Variants in MORN5 observed in about 807,000 individuals in gnomAD.
MORN5 encodes MORN repeat containing 5, also known as MORN repeat-containing protein 5.
A neutral mutation model predicts 22.1 loss-of-function variants in MORN5; 21 were observed. The ratio of observed to expected loss-of-function variants is 0.95; its 90% CI spans 0.67 to 1.37. The LOEUF is 1.37. Ranked by LOEUF, MORN5 falls within the 40% of genes most tolerant of loss-of-function variation. The pLI is 0.00. For missense variants in MORN5, 211 were observed against 215.1 expected, an observed-to-expected ratio of 0.98 and a Z score of 0.12; for synonymous variants, 73 against 74.0, an observed-to-expected ratio of 0.99 and a Z score of 0.07.
At chr9:122,162,043 T>C (rs938636624) in intron 1 of MORN5, among the ~76,000 whole-genome samples, 11 of 152,234 alleles carry the variant, frequency 7.2e-5, no homozygotes, top group Non-Finnish European at 1.3e-4. Context: ...AACAGTTAAC[T>C]AGAATTCTAT....
chr9:122,176,642 T>G (rs1218642245), intron 4 of MORN5, among the ~76,000 whole-genome samples: 1 of 152,096 alleles, frequency 6.6e-6, no homozygotes, highest in Admixed American at 6.6e-5. Flanking sequence ...CACTTTGGGA[T>G]GCCAAGACAG....
intron 1 of MORN5, chr9:122,164,698 A>G: frequency 1.1e-6 from 1 of 885,072 alleles, no homozygotes; most frequent in Non-Finnish European, 1.4e-6. Flanking sequence ...GAACTTGAAT[A>G]TGGAGATGGT....
intron 4 of MORN5, among the ~76,000 whole-genome samples, chr9:122,189,001 CTTGGCCAACA>C (rs1829701134): frequency 6.6e-6 from 1 of 152,076 alleles, no homozygotes; most frequent in Non-Finnish European, 1.5e-5. Flanking sequence ...TCAAGACAAG[CTTGGCCAACA>C]TGGTGAAACC....
At chr9:122,166,694 C>T in intron 1 of MORN5, 74 bp from the exon 2 acceptor site, 2 of 1,390,164 alleles carry the variant, frequency 1.4e-6, no homozygotes, top group Non-Finnish European at 2.0e-6. Flanking sequence ...GGGGTTCCTG[C>T]TCACTCTGTT....
rs781423001 is a variant in MORN5 at position 122,166,886 on chromosome 9, G to A, written c.166G>A (p.Ala56Thr). ...CTTCCCCAGCGGAAGCCAATACGACGCCATTTGGGAAAACGGATTGGCCAT... is the reference window on the plus strand; with the variant it reads ...CTTCCCCAGCGGAAGCCAATACGACACCATTTGGGAAAACGGATTGGCCAT... ...LYFPSGSQYD[A>T]IWENGLAIKG... Residue 56 changes from alanine to threonine, a missense_variant, in exon 2 of 5, where the codon GCC becomes ACC. Transcript: ENST00000373764. 1.9e-5 allele frequency: 31 copies of A among 1,613,700 alleles called. No individual in the cohort carries two copies. The highest frequency in any genetic ancestry group is 4.5e-5 in the East Asian group (2 of 44,870).
intron 4 of MORN5, among the ~76,000 whole-genome samples, chr9:122,186,124 G>T (rs987457701): frequency 1.3e-5 from 2 of 152,224 alleles, no homozygotes; most frequent in Non-Finnish European, 2.9e-5. Flanking sequence ...GCCAGCAGAC[G>T]CGCATTTGCT....
intron 2 of MORN5, 125 bp downstream of exon 2, chr9:122,167,040 T>TC (rs1407841093): frequency 4.1e-6 from 3 of 735,420 alleles, no homozygotes; most frequent in Non-Finnish European, 4.0e-6. Context: ...TCTTTGCTTC[T>TC]CCCCCACTCC....
At chr9:122,173,377 G>C (rs1235419397) in intron 3 of MORN5, among the ~76,000 whole-genome samples, 2 of 152,208 alleles carry the variant, frequency 1.3e-5, no homozygotes, top group Non-Finnish European at 2.9e-5. Context: ...TGAGAGAATG[G>C]CTGTAAAGTG....
intron 4 of MORN5, among the ~76,000 whole-genome samples, chr9:122,176,536 G>A (rs370192870): frequency 1.3e-5 from 2 of 152,150 alleles, no homozygotes; most frequent in African/African-American, 4.8e-5. Flanking sequence ...TGTAGGATCC[G>A]TGTGAGAAGG....
intron 4 of MORN5, among the ~76,000 whole-genome samples, chr9:122,185,875 C>T (rs1350928523): frequency 6.6e-6 from 1 of 152,226 alleles, no homozygotes; most frequent in African/African-American, 2.4e-5. Context: ...TGCCACAGTG[C>T]TTTCCTTGCA....
chr9:122,190,918 G>A lies in MORN5; in HGVS notation c.440-8967G>A, dbSNP rs143337527. Among the ~76,000 whole-genome samples the A allele has an allele frequency of 3.6e-3, 543 of 152,370 alleles. 4 individuals carry two copies. The highest frequency in any genetic ancestry group is 0.012 in the African/African-American group (483 of 41,594). ...ATTTGCACAGAGGGTGTGGCAGGGC[G>A]GTGAATGGGACCCATAGGTGCCCAC... On this transcript the variant is annotated intron_variant, in intron 4 of 4. Coordinates refer to ENST00000373764, the MANE Select transcript of MORN5 (RefSeq NM_198469.4).
At chr9:122,180,876 G>T (rs1446701697) in intron 4 of MORN5, among the ~76,000 whole-genome samples, 1 of 152,158 alleles carries the variant, frequency 6.6e-6, no homozygotes. Context: ...ACGTGACTAC[G>T]TCTGATTCAT....
At chr9:122,174,336 G>A (rs16911521) in intron 3 of MORN5, among the ~76,000 whole-genome samples, 160 bp from the exon 4 acceptor site, 7,662 of 152,182 alleles carry the variant, frequency 0.05, 658 homozygotes, top group African/African-American at 0.18. Context: ...TTGGGGCACC[G>A]TTTCTGCTGG....
chr9:122,160,985 T>G (rs1341820798), intron 1 of MORN5, among the ~76,000 whole-genome samples: 1 of 152,182 alleles, frequency 6.6e-6, no homozygotes, highest in Non-Finnish European at 1.5e-5. Flanking sequence ...ATGCGACAAG[T>G]AGACATAACA....
intron 4 of MORN5, among the ~76,000 whole-genome samples, chr9:122,187,713 TC>T (rs1249398120): frequency 1.3e-5 from 2 of 152,184 alleles, no homozygotes; most frequent in African/African-American, 4.8e-5. Flanking sequence ...CAGGAAGCAG[TC>T]CAACACAATT....
At chr9:122,165,788 G>C (rs1829267715) in intron 1 of MORN5, among the ~76,000 whole-genome samples, 2 of 152,184 alleles carry the variant, frequency 1.3e-5, no homozygotes, top group Non-Finnish European at 2.9e-5. Context: ...TATTCAGCAA[G>C]TTGGACCATC....
In MORN5 at chr9:122,173,690, T is replaced by C. The variant is rs572675884; in HGVS notation, c.308-806T>C. On this transcript the variant is annotated intron_variant, in intron 3 of 4. Coordinates refer to ENST00000373764, the MANE Select transcript of MORN5 (RefSeq NM_198469.4). The stretch of plus-strand genomic sequence containing the variant: ...ATACACATACCTAGCGTGCATGACC[T>C]AAAAGGTGCACTCAATCTTCTTTCT... Among the ~76,000 whole-genome samples, 10 of 152,308 alleles carry C rather than the reference T, an allele frequency of 6.6e-5. No homozygotes were observed. The South Asian group carries it at 8.3e-4, about 13-fold the overall frequency.
rs183186939 is a variant in MORN5 at position 122,199,770 on chromosome 9, C to G, written c.440-115C>G. The G allele has an allele frequency of 1.8e-3, 1,654 of 912,554 alleles. 13 individuals are homozygous for G. In the Middle Eastern group the frequency reaches 0.032, roughly 18 times the overall value. 56.5% of individuals were successfully genotyped at this position (912,554 alleles called of 1,614,324 possible). A position where few individuals can be genotyped will look rare whatever the true frequency, so the allele number is the denominator to read the frequency against. ...CTGTTCCTCCCCACACAAAACTACACAGACTGGCCATCGACGGACCATCCC... is the reference window on the plus strand; with the variant it reads ...CTGTTCCTCCCCACACAAAACTACAGAGACTGGCCATCGACGGACCATCCC... On this transcript the variant is annotated intron_variant, in intron 4 of 4. Coordinates refer to ENST00000373764, the MANE Select transcript of MORN5 (RefSeq NM_198469.4).
At chr9:122,190,365 T>C (rs1358779841) in intron 4 of MORN5, among the ~76,000 whole-genome samples, 7 of 127,496 alleles carry the variant, frequency 5.5e-5, no homozygotes, top group Non-Finnish European at 8.8e-5. Context: ...TACGAGTCTT[T>C]AACAATTGGC....
Sources: allele counts gnomAD v4.1 joint callset (sites outside exome capture counted in the v4.1 genomes callset), GRCh38; gene constraint gnomAD v4.1.1; transcripts MANE v1.5; gene names NCBI Gene and HGNC (gene_info 2026-07-23, HGNC 2026-07-21).